Variants in TM2D1 observed in about 807,000 individuals in gnomAD.
TM2D1 encodes the protein TM2 domain containing 1, also known as TM2 domain-containing protein 1.
TM2D1 carries 15 observed loss-of-function variants against 28.4 expected under a neutral mutation model. The observed-to-expected ratio is 0.53, with a 90% CI of 0.35 to 0.81. The LOEUF (loss-of-function observed/expected upper bound fraction) is 0.81. Ranked by LOEUF, TM2D1 falls within the 40% of genes least tolerant of loss-of-function variation. The pLI is 0.01. For synonymous variants in TM2D1, 93 were observed against 96.2 expected, an observed-to-expected ratio of 0.97 and a Z score of 0.20; for missense variants, 236 against 254.9, an observed-to-expected ratio of 0.93 and a Z score of 0.50.
intron 4 of TM2D1, among the ~76,000 whole-genome samples, chr1:61,696,782 C>G (rs1644366339): frequency 6.6e-6 from 1 of 152,066 alleles, no homozygotes; most frequent in South Asian, 2.1e-4. Context: ...CCCACTATGC[C>G]TGGCTAGTTT....
intron 4 of TM2D1, chr1:61,699,909 G>T: frequency 3.2e-6 from 1 of 311,858 alleles, no homozygotes; most frequent in Non-Finnish European, 5.7e-6. Flanking sequence ...TAGTATAGCT[G>T]TCAGAAATAT....
chr1:61,691,932 A>AAT lies in TM2D1; in HGVS notation c.513+2763_513+2764dup, dbSNP rs1163953838. On this transcript the variant is annotated intron_variant, in intron 5 of 6. Transcript: ENST00000606498. Reference sequence around the variant, plus strand: ...TCTCAAAAAAAACTTAAAAAAAAAAAATATATATATATATATATATATATA... The same window carrying AAT: ...TCTCAAAAAAAACTTAAAAAAAAAAAATATATATATATATATATATATATATA... Among the ~76,000 whole-genome samples, 48 of 76,398 alleles carry AAT rather than the reference A, an allele frequency of 6.3e-4. 1 individual carries two copies. The highest frequency in any genetic ancestry group is 3.8e-3 in the East Asian group (8 of 2,106). 50.1% of individuals were successfully genotyped at this position (76,398 alleles called of 152,430 possible). A position where few individuals can be genotyped will look rare whatever the true frequency, so the allele number is the denominator to read the frequency against.
intron 4 of TM2D1, among the ~76,000 whole-genome samples, chr1:61,695,086 CAG>C (rs1326700832): frequency 6.6e-6 from 1 of 151,616 alleles, no homozygotes; most frequent in African/African-American, 2.4e-5. Flanking sequence ...CTCAGTACAC[CAG>C]AGTTACATCT....
At chr1:61,700,795 C>A in intron 4 of TM2D1, 139 bp downstream of exon 4, 1 of 622,756 alleles carries the variant, frequency 1.6e-6, no homozygotes, top group Non-Finnish European at 2.7e-6. Flanking sequence ...TAGCTCTATA[C>A]TCACAGAAGA....
At chr1:61,702,319 T>C (rs916167022) in intron 3 of TM2D1, among the ~76,000 whole-genome samples, 1 of 151,648 alleles carries the variant, frequency 6.6e-6, no homozygotes, top group East Asian at 1.9e-4. Flanking sequence ...TTTTAGACCT[T>C]ATATATATAA....
chr1:61,725,078 C>T lies in TM2D1; in HGVS notation c.43G>A (p.Val15Met), dbSNP rs547563822. 9 of 1,613,840 alleles carry T rather than the reference C, an allele frequency of 5.6e-6. No individual in the cohort carries two copies. Among genetic ancestry groups the T allele is most frequent in the Non-Finnish European group, 7.6e-6 (9 of 1,179,886 alleles). ...AGGACACCAACGAGTCTGGCCGTCACGGCCTCCGGAGCAGACGGACCAGAC... is the reference window on the plus strand; with the variant it reads ...AGGACACCAACGAGTCTGGCCGTCATGGCCTCCGGAGCAGACGGACCAGAC... Reference protein sequence around the residue: ...WPSGPSAPEAVTARLVGVLWF... With the variant: ...WPSGPSAPEAMTARLVGVLWF... Residue 15 changes from valine to methionine, a missense_variant, in exon 1 of 7, where the codon GTG becomes ATG. Val to Met is a conservative substitution (Grantham distance 21, BLOSUM62 1). Coordinates refer to ENST00000606498, the MANE Select transcript of TM2D1 (RefSeq NM_032027.3).
intron 5 of TM2D1, among the ~76,000 whole-genome samples, chr1:61,693,731 A>G (rs78588847): frequency 0.027 from 4,060 of 152,286 alleles, 105 homozygotes; most frequent in Non-Finnish European, 0.036. Flanking sequence ...TAATGATAAC[A>G]TCAAGCAGAC....
At chr1:61,694,571 G>A in intron 5 of TM2D1, 126 bp downstream of exon 5, 1 of 579,038 alleles carries the variant, frequency 1.7e-6, no homozygotes, top group East Asian at 3.2e-5. Context: ...TCTAGTACAT[G>A]AAGAAAAATG....
intron 2 of TM2D1, among the ~76,000 whole-genome samples, chr1:61,722,092 C>T (rs755579326): frequency 2.6e-4 from 40 of 151,044 alleles, no homozygotes; most frequent in Non-Finnish European, 4.0e-4. Flanking sequence ...GGCAACATGA[C>T]GAAACCTTGT....
intron 5 of TM2D1, among the ~76,000 whole-genome samples, chr1:61,688,342 A>C (rs746950753): frequency 1.3e-5 from 2 of 152,206 alleles, no homozygotes; most frequent in Non-Finnish European, 2.9e-5. Flanking sequence ...ATGATCAGTC[A>C]CTTCGGTTTT....
chr1:61,709,874 G>A (rs955030635), intron 2 of TM2D1, among the ~76,000 whole-genome samples: 5 of 152,170 alleles, frequency 3.3e-5, no homozygotes, highest in Non-Finnish European at 5.9e-5. Context: ...AACGCTTATA[G>A]ATAATTGTTG....
At chr1:61,691,932 AAT>A (rs1163953838) in intron 5 of TM2D1, among the ~76,000 whole-genome samples, 56 of 76,400 alleles carry the variant, frequency 7.3e-4, no homozygotes, top group African/African-American at 1.4e-3. Context: ...AAAAAAAAAA[AAT>A]ATATATATAT....
rs1237127673 is a variant in TM2D1 at position 61,701,683 on chromosome 1, G to A, written c.348-658C>T. Among the ~76,000 whole-genome samples, 3 of 151,976 alleles carry A rather than the reference G, an allele frequency of 2.0e-5. No individual in the cohort carries two copies. The East Asian group carries it at 5.8e-4, about 29-fold the overall frequency. ...TTTATGTGTCTAACGTTATAAGGATGTCAAACTTTATGCTGAGGGCAGGAG... is the reference window on the plus strand; with the variant it reads ...TTTATGTGTCTAACGTTATAAGGATATCAAACTTTATGCTGAGGGCAGGAG... On this transcript the variant is annotated intron_variant, in intron 3 of 6. Transcript: ENST00000606498.
chr1:61,714,270 C>T (rs887461220), intron 2 of TM2D1, among the ~76,000 whole-genome samples: 3 of 151,406 alleles, frequency 2.0e-5, no homozygotes, highest in Non-Finnish European at 4.4e-5. Context: ...TGGATGGGCG[C>T]AGTGGCTCAC....
chr1:61,709,317 T>G lies in TM2D1; in HGVS notation c.347+12A>C, dbSNP rs1361061327. 2 of 1,557,896 alleles carry G rather than the reference T, an allele frequency of 1.3e-6. No homozygotes were observed. The highest frequency in any genetic ancestry group is 2.7e-5 in the African/African-American group (2 of 73,698). On this transcript the variant is annotated intron_variant, in intron 3 of 6. Transcript: ENST00000606498. ...AGTAATCTGAAAATTTAAGTTTCAG[T>G]AATGTACTTACACATTTCGGCAAGA...
chr1:61,690,456 C>CAAAAAAAAAAAAAAAAAAAAA (rs762550068), intron 5 of TM2D1, among the ~76,000 whole-genome samples: 2 of 60,034 alleles, frequency 3.3e-5, no homozygotes, highest in Non-Finnish European at 5.9e-5. Flanking sequence ...GACTCAGTCT[C>CAAAAAAAAAAAAAAAAAAAAA]AAAAAAAAAA....
intron 3 of TM2D1, among the ~76,000 whole-genome samples, chr1:61,706,703 G>A (rs1644443643): frequency 1.3e-5 from 2 of 151,846 alleles, no homozygotes; most frequent in Admixed American, 6.6e-5. Flanking sequence ...AGCTACTTGG[G>A]AGGCTGAGGC....
rs1156968409 is a variant in TM2D1, at chr1:61,709,443, G to A, written c.239-6C>T. 2 of 1,593,776 alleles carry A rather than the reference G, an allele frequency of 1.3e-6. No individual in the cohort carries two copies. Among genetic ancestry groups the A allele is most frequent in the African/African-American group, 2.7e-5 (2 of 74,402 alleles). On this transcript the variant is annotated splice_region_variant and splice_polypyrimidine_tract_variant and intron_variant, in intron 2 of 6. Coordinates refer to ENST00000606498, the MANE Select transcript of TM2D1 (RefSeq NM_032027.3). ...GGGTGCTGGAAAACAGGAAACTGAAGGCAGAAAAAGTCAAGAAACTGTTAT... is the reference window on the plus strand; with the variant it reads ...GGGTGCTGGAAAACAGGAAACTGAAAGCAGAAAAAGTCAAGAAACTGTTAT...
chr1:61,718,025 A>G (rs892917953), intron 2 of TM2D1, among the ~76,000 whole-genome samples: 1 of 152,064 alleles, frequency 6.6e-6, no homozygotes, highest in African/African-American at 2.4e-5. Flanking sequence ...TCCAAAAACA[A>G]CAACAAAAAA....
Sources: allele counts gnomAD v4.1 joint callset (sites outside exome capture counted in the v4.1 genomes callset), GRCh38; gene constraint gnomAD v4.1.1; transcripts MANE v1.5; gene names NCBI Gene and HGNC (gene_info 2026-07-23, HGNC 2026-07-21).